The following RBFOX1 variants were observed in gnomAD, a reference collection of about 807,000 sequenced individuals.
RBFOX1 encodes RNA binding protein fox-1 homolog 1.
RBFOX1 carries 8 observed loss-of-function variants against 57.7 expected under a neutral mutation model. The ratio of observed to expected loss-of-function variants is 0.14; its 90% confidence interval spans 0.08 to 0.25. The LOEUF is 0.25. RBFOX1 is among the 10% of genes least tolerant of loss of function. The pLI is 1.00. For missense variants in RBFOX1, 611 were observed against 548.5 expected (o/e 1.11, Z -1.14); for synonymous variants, 326 against 222.4 (o/e 1.47, Z -4.15).
chr16:7,212,800 C>G (rs1039864507), intron 4 of RBFOX1, among the ~76,000 whole-genome samples: 3 of 152,156 alleles, frequency 2.0e-5, no homozygotes, highest in African/African-American at 7.2e-5. Flanking sequence ...AACAAACCTG[C>G]ATGTTCTGCA....
At chr16:7,093,599 A>C (rs2061219595) in intron 4 of RBFOX1, among the ~76,000 whole-genome samples, 1 of 152,146 alleles carries the variant, frequency 6.6e-6, no homozygotes, top group Non-Finnish European at 1.5e-5. Flanking sequence ...GATTAGAGGG[A>C]AACTGGATGG....
intron 3 of RBFOX1, among the ~76,000 whole-genome samples, chr16:6,718,759 C>G (rs935745782): frequency 6.6e-6 from 1 of 152,174 alleles, no homozygotes; most frequent in African/African-American, 2.4e-5. Flanking sequence ...AGCAAAATCC[C>G]AAATGAGTTA....
intron 5 of RBFOX1, among the ~76,000 whole-genome samples, chr16:7,562,192 C>T (rs572022722): frequency 1.6e-3 from 236 of 152,142 alleles, no homozygotes; most frequent in Middle Eastern, 0.01. Flanking sequence ...TAGTTGGGTG[C>T]GGGATGTCAT....
chr16:6,650,755 G>C (rs1053840539), intron 2 of RBFOX1, among the ~76,000 whole-genome samples: 2 of 152,148 alleles, frequency 1.3e-5, no homozygotes, highest in Non-Finnish European at 2.9e-5. Flanking sequence ...AATTTGCTGT[G>C]TTTACTAATA....
intron 2 of RBFOX1, among the ~76,000 whole-genome samples, chr16:5,579,385 C>G (rs1234000092): frequency 1.3e-5 from 2 of 152,126 alleles, no homozygotes; most frequent in Non-Finnish European, 2.9e-5. Flanking sequence ...CTATGTGCCT[C>G]CCCCAGCATC....
chr16:5,251,705 C>T (rs2062457572), intron 1 of RBFOX1, among the ~76,000 whole-genome samples: 1 of 152,012 alleles, frequency 6.6e-6, no homozygotes, highest in South Asian at 2.1e-4. Flanking sequence ...GAAAAGGGGC[C>T]TGAGGAAATT....
intron 1 of RBFOX1, chr16:5,270,756 A>G: frequency 2.1e-6 from 1 of 471,776 alleles, no homozygotes. Context: ...ACATCGGAAA[A>G]GATGTAGAAA....
intron 2 of RBFOX1, among the ~76,000 whole-genome samples, chr16:5,528,494 C>T (rs990860489): frequency 1.3e-5 from 2 of 151,236 alleles, no homozygotes; most frequent in African/African-American, 4.9e-5. Flanking sequence ...GCGACAATGG[C>T]ATTATAGGTC....
chr16:6,142,585 A>G (rs907382965), intron 1 of RBFOX1, among the ~76,000 whole-genome samples: 5 of 152,194 alleles, frequency 3.3e-5, no homozygotes, highest in Non-Finnish European at 7.4e-5. Flanking sequence ...GATAACTTTC[A>G]GGAAGGCAAT....
chr16:6,588,373 C>T (rs1029695949), intron 2 of RBFOX1, among the ~76,000 whole-genome samples: 1 of 152,032 alleles, frequency 6.6e-6, no homozygotes, highest in African/African-American at 2.4e-5. Context: ...GTACTCTCGG[C>T]TGGGTGCGAT....
chr16:6,837,260 G>T (rs1300873435), intron 3 of RBFOX1, among the ~76,000 whole-genome samples: 1 of 152,198 alleles, frequency 6.6e-6, no homozygotes, highest in Admixed American at 6.5e-5. Context: ...TCTCTCATCT[G>T]AGCGTGCTGC....
Position 7,023,564 on chromosome 16 carries a change from T to TAAAAAAAA in RBFOX1, c.-15-28470_-15-28463dup, listed in dbSNP as rs34056673. 4.1e-3 allele frequency among the ~76,000 whole-genome samples: 178 copies of TAAAAAAAA among 43,926 alleles called. 9 individuals are homozygous for TAAAAAAAA. Among genetic ancestry groups the TAAAAAAAA allele is most frequent in the African/African-American group, 0.011 (128 of 11,190 alleles). The allele number at this position is 43,926 out of a possible 152,430, so 28.8% of individuals were successfully genotyped here. A position where few individuals can be genotyped will look rare whatever the true frequency, so the allele number is the denominator to read the frequency against. On this transcript the variant is annotated intron_variant, in intron 3 of 15. Transcript: ENST00000550418. Reference sequence around the variant, plus strand: ...CAACATGGTGAAACTTCGTCTGTACTAAAAAAAAAAAAAAAAAAAAAAAAA... The same window carrying TAAAAAAAA: ...CAACATGGTGAAACTTCGTCTGTACTAAAAAAAAAAAAAAAAAAAAAAAAAAAAAAAAA...
At chr16:6,905,334 C>A (rs758613135) in intron 3 of RBFOX1, among the ~76,000 whole-genome samples, 1 of 151,836 alleles carries the variant, frequency 6.6e-6, no homozygotes, top group Non-Finnish European at 1.5e-5. Context: ...CAGGTGGATC[C>A]CCTGAGGTTG....
intron 3 of RBFOX1, among the ~76,000 whole-genome samples, chr16:6,939,567 G>T (rs184049955): frequency 3.1e-4 from 46 of 149,654 alleles, no homozygotes; most frequent in Admixed American, 2.7e-3. Flanking sequence ...CTGGAGTTCA[G>T]TGGGAGTGAT....
intron 1 of RBFOX1, among the ~76,000 whole-genome samples, chr16:5,418,098 A>G (rs2067209181): frequency 6.6e-6 from 1 of 151,750 alleles, no homozygotes; most frequent in Admixed American, 6.6e-5. Flanking sequence ...AACAACAACA[A>G]CAACAAATCT....
In RBFOX1 at chr16:5,647,629, A is replaced by G. The variant is rs540290335; in HGVS notation, c.318+48668A>G. On this transcript the variant is annotated intron_variant, in intron 3 of 19. Transcript: ENST00000641259. Reference sequence around the variant, plus strand: ...TGGGAAAGGAGAAAAAGAACAAGAAAAGAGTAGACCTCAGTAAGTCAGTAC... The same window carrying G: ...TGGGAAAGGAGAAAAAGAACAAGAAGAGAGTAGACCTCAGTAAGTCAGTAC... Among the ~76,000 whole-genome samples, 35 of 152,216 alleles carry G rather than the reference A, an allele frequency of 2.3e-4. No homozygotes were observed. The South Asian group carries it at 7.1e-3, about 31-fold the overall frequency.
chr16:6,215,979 G>T (rs1463100728), intron 1 of RBFOX1, among the ~76,000 whole-genome samples: 2 of 152,134 alleles, frequency 1.3e-5, no homozygotes, highest in African/African-American at 4.8e-5. Context: ...GTCCTTTGCA[G>T]GGACATGGAT....
intron 3 of RBFOX1, among the ~76,000 whole-genome samples, chr16:6,669,622 C>G (rs1205159844): frequency 2.0e-5 from 3 of 152,112 alleles, no homozygotes; most frequent in African/African-American, 7.2e-5. Flanking sequence ...TCATATATTG[C>G]TATTTTTTCT....
chr16:5,904,976 C>CAA (rs57824134), intron 4 of RBFOX1, among the ~76,000 whole-genome samples: 2 of 66,812 alleles, frequency 3.0e-5, no homozygotes, highest in African/African-American at 6.1e-5. Flanking sequence ...GACTCCGTCT[C>CAA]AAAAAAAAAA....
Sources: gnomAD v4.1 joint callset for allele counts (sites outside exome capture counted in the v4.1 genomes callset) on GRCh38, gnomAD v4.1.1 for gene constraint, MANE v1.5 for transcripts, NCBI Gene and HGNC (gene_info 2026-07-23, HGNC 2026-07-21) for gene names.